The following SLC22A23 variants were observed in gnomAD, a reference collection of about 807,000 sequenced individuals.
SLC22A23 encodes the protein solute carrier family 22 member 23.
SLC22A23 carries 26 observed loss-of-function variants against 61.0 expected under a neutral mutation model. The observed-to-expected ratio is 0.43, with a 90% CI of 0.31 to 0.59. The LOEUF (loss-of-function observed/expected upper bound fraction) is 0.59, where lower values mean the gene tolerates loss of function less well. Among genes scored for constraint, SLC22A23 ranks in the 20% least tolerant of loss-of-function variants. The probability of loss-of-function intolerance (pLI) is 0.11; values close to 1 mark genes in which losing one functional copy is unlikely to be tolerated. For missense variants in SLC22A23, 796 were observed against 934.7 expected (o/e 0.85, Z 1.94); for synonymous variants, 430 against 413.9 (o/e 1.04, Z -0.47).
At chr6:3,338,270 A>G (rs375661619) in intron 3 of SLC22A23, among the ~76,000 whole-genome samples, 22 of 152,248 alleles carry the variant, frequency 1.4e-4, no homozygotes, top group African/African-American at 5.3e-4. Context: ...TCCCCTGTAC[A>G]TGTAAAAATT....
intron 1 of SLC22A23, among the ~76,000 whole-genome samples, chr6:3,416,192 G>A (rs1229730090): frequency 6.6e-6 from 1 of 152,232 alleles, no homozygotes; most frequent in African/African-American, 2.4e-5. Flanking sequence ...GCATCCCTGA[G>A]GACCAGTGGT....
chr6:3,400,595 G>T (rs1414698829), intron 3 of SLC22A23, among the ~76,000 whole-genome samples: 1 of 152,240 alleles, frequency 6.6e-6, no homozygotes, highest in Non-Finnish European at 1.5e-5. Flanking sequence ...TTTCCTAGGT[G>T]AGGAAACTGA....
At chr6:3,282,167 G>A (rs559138208) in intron 9 of SLC22A23, 1 of 702,124 alleles carries the variant, frequency 1.4e-6, no homozygotes, top group Admixed American at 2.0e-5. Flanking sequence ...GTGGATTCTG[G>A]TCTATTGAAA....
intron 3 of SLC22A23, among the ~76,000 whole-genome samples, chr6:3,382,948 C>T (rs535291042): frequency 1.3e-5 from 2 of 152,200 alleles, no homozygotes; most frequent in African/African-American, 2.4e-5. Flanking sequence ...AGGGTATGCA[C>T]TTCATTTAAC....
chr6:3,408,325 CATA>C (rs1295159499), intron 3 of SLC22A23, among the ~76,000 whole-genome samples: 2 of 152,214 alleles, frequency 1.3e-5, no homozygotes, highest in African/African-American at 2.4e-5. Context: ...ACATCTTCAA[CATA>C]ATATTTTGTA....
chr6:3,286,848 G>A lies in SLC22A23; in HGVS notation c.1546+11C>T, dbSNP rs375953440. On this transcript the variant is annotated intron_variant, in intron 7 of 9. Transcript: ENST00000406686. The surrounding 1 kb of genome is among the most constrained non-coding windows in gnomAD (Gnocchi z 4.2). ...CTCCCTGCACCCAGCCCACCTCCCCGACCCACTCACGGTTGAGGAGGCCGA... is the reference window on the plus strand; with the variant it reads ...CTCCCTGCACCCAGCCCACCTCCCCAACCCACTCACGGTTGAGGAGGCCGA... The A allele has an allele frequency of 3.3e-5, 52 of 1,573,270 alleles. 1 individual carries two copies. Among genetic ancestry groups the A allele is most frequent in the Admixed American group, 5.5e-5 (3 of 54,430 alleles).
intron 4 of SLC22A23, among the ~76,000 whole-genome samples, chr6:3,314,714 G>C (rs1268691510): frequency 1.3e-5 from 2 of 152,010 alleles, no homozygotes; most frequent in African/African-American, 4.8e-5. Context: ...TTTTATAATA[G>C]CTTTCTTCTT....
At chr6:3,275,267 C>T (rs1240420937) in intron 9 of SLC22A23, among the ~76,000 whole-genome samples, 1 of 152,030 alleles carries the variant, frequency 6.6e-6, no homozygotes. Context: ...TATTCATGTG[C>T]AAAAGAATGA....
At position 3,425,687 on chromosome 6, in the gene SLC22A23, G is replaced by A. The variant is rs114844752; in HGVS notation, c.655-9832C>T. ...CATTAAGTATCTACCCTGTGCTAGG[G>A]ACTCTGCCAGCTGCTTTGACTAAGC... On this transcript the variant is annotated intron_variant, in intron 1 of 9. Transcript: ENST00000406686. 7.3e-3 allele frequency among the ~76,000 whole-genome samples: 1,106 copies of A among 152,260 alleles called. 5 individuals are homozygous for A. The highest frequency in any genetic ancestry group is 0.012 in the Non-Finnish European group (824 of 68,028).
intron 1 of SLC22A23, among the ~76,000 whole-genome samples, chr6:3,426,149 T>A (rs1031777429): frequency 2.6e-5 from 4 of 152,190 alleles, no homozygotes; most frequent in Non-Finnish European, 5.9e-5. Flanking sequence ...CTTTTTTAAA[T>A]AGAATTTTTA....
At chr6:3,275,509 ATGTT>A (rs1758809484) in intron 9 of SLC22A23, among the ~76,000 whole-genome samples, 1 of 152,236 alleles carries the variant, frequency 6.6e-6, no homozygotes, top group Non-Finnish European at 1.5e-5. Context: ...CAAAAGATAC[ATGTT>A]TAAGAAAAAA....
intron 4 of SLC22A23, among the ~76,000 whole-genome samples, chr6:3,305,754 C>A (rs749865938): frequency 1.3e-5 from 2 of 152,194 alleles, no homozygotes; most frequent in Non-Finnish European, 2.9e-5. Flanking sequence ...TCTGGTGCAT[C>A]CTCACATGTA....
intron 5 of SLC22A23, chr6:3,290,410 G>C (rs913194241): frequency 5.5e-6 from 1 of 181,648 alleles, no homozygotes; most frequent in Non-Finnish European, 1.2e-5. Context: ...GACATCATAT[G>C]CATCTTTGAA....
At chr6:3,295,842 C>T (rs923655082) in intron 5 of SLC22A23, among the ~76,000 whole-genome samples, 15 of 152,260 alleles carry the variant, frequency 9.9e-5, no homozygotes, top group South Asian at 4.1e-4. Flanking sequence ...ACCTGAGGAC[C>T]GCTCCCCAAG....
At chr6:3,404,829 G>A (rs900730091) in intron 3 of SLC22A23, among the ~76,000 whole-genome samples, 4 of 152,114 alleles carry the variant, frequency 2.6e-5, no homozygotes, top group East Asian at 1.9e-4. Context: ...TTTGCTTTTC[G>A]CAGTTTGCCC....
intron 3 of SLC22A23, among the ~76,000 whole-genome samples, chr6:3,365,512 G>C (rs957055221): frequency 6.6e-6 from 1 of 152,138 alleles, no homozygotes; most frequent in Non-Finnish European, 1.5e-5. Context: ...GCCTGAGTGA[G>C]TGAGTGCTAC....
At chr6:3,383,777 T>C (rs1251453985) in intron 3 of SLC22A23, among the ~76,000 whole-genome samples, 1 of 151,264 alleles carries the variant, frequency 6.6e-6, no homozygotes, top group Non-Finnish European at 1.5e-5. Context: ...GCAGAGCAAG[T>C]GAGGTGGGGG....
intron 5 of SLC22A23, among the ~76,000 whole-genome samples, chr6:3,293,119 TG>T (rs1760760013): frequency 6.6e-6 from 1 of 152,054 alleles, no homozygotes; most frequent in Non-Finnish European, 1.5e-5. Flanking sequence ...TTGGCTTGCG[TG>T]GGGGTATGAG....
chr6:3,321,617 A>G (rs940077898), intron 4 of SLC22A23, among the ~76,000 whole-genome samples: 1 of 151,786 alleles, frequency 6.6e-6, no homozygotes, highest in Non-Finnish European at 1.5e-5. Context: ...CCCTTCTCAC[A>G]TGGGTCAGCC....
Sources: gnomAD v4.1 joint callset for allele counts (sites outside exome capture counted in the v4.1 genomes callset) on GRCh38, gnomAD v4.1.1 for gene constraint, Gnocchi (gnomAD v3.1) non-coding constraint, MANE v1.5 for transcripts, NCBI Gene and HGNC (gene_info 2026-07-23, HGNC 2026-07-21) for gene names.